Variants in PHC2 observed in about 807,000 individuals in gnomAD.
PHC2 encodes the protein polyhomeotic-like protein 2.
PHC2 carries 29 observed loss-of-function variants against 87.4 expected under a neutral mutation model. The observed-to-expected ratio is 0.33, with a 90% CI of 0.25 to 0.45. The LOEUF is 0.45. Ranked by LOEUF, PHC2 falls within the 20% of genes least tolerant of loss-of-function variation. The probability of loss-of-function intolerance (pLI) is 1.00; values close to 1 mark genes in which losing one functional copy is unlikely to be tolerated. For missense variants in PHC2, 857 were observed against 1,136.7 expected, an observed-to-expected ratio of 0.75 and a Z score of 3.54; for synonymous variants, 438 against 461.7, an observed-to-expected ratio of 0.95 and a Z score of 0.66.
intron 1 of PHC2, among the ~76,000 whole-genome samples, chr1:33,376,626 C>G (rs1648199849): frequency 6.6e-6 from 1 of 152,178 alleles, no homozygotes; most frequent in African/African-American, 2.4e-5. Context: ...GTGAAAGAAG[C>G]AGGACTAACA....
chr1:33,410,772 C>T (rs1649950713), intron 1 of PHC2, among the ~76,000 whole-genome samples: 1 of 152,146 alleles, frequency 6.6e-6, no homozygotes, highest in African/African-American at 2.4e-5. Flanking sequence ...ATCATTTTTA[C>T]TACATTTAAG....
At chr1:33,417,987 AAAG>A (rs1329979519) in intron 1 of PHC2, among the ~76,000 whole-genome samples, 2 of 152,184 alleles carry the variant, frequency 1.3e-5, no homozygotes, top group Non-Finnish European at 2.9e-5. Context: ...CTCATGGGTC[AAAG>A]AAGAAATCCT....
chr1:33,424,507 G>T (rs919575593), intron 1 of PHC2, among the ~76,000 whole-genome samples: 1 of 152,058 alleles, frequency 6.6e-6, no homozygotes, highest in Admixed American at 6.5e-5. Flanking sequence ...TCACTGGTGG[G>T]TATAAAAATT....
chr1:33,330,607 G>T (rs956137894), intron 12 of PHC2, among the ~76,000 whole-genome samples: 2 of 152,192 alleles, frequency 1.3e-5, no homozygotes, highest in African/African-American at 4.8e-5. Flanking sequence ...CAGCCTGAGG[G>T]GAATGAGGGC....
At chr1:33,335,159 T>C in intron 9 of PHC2, 3 of 983,622 alleles carry the variant, frequency 3.0e-6, no homozygotes, top group Non-Finnish European at 3.6e-6. Context: ...AAAGTGAGAT[T>C]ACATGCCTAT....
Position 33,354,393 on chromosome 1 carries a change from C to G in PHC2, c.1558+8G>C. On this transcript the variant is annotated splice_region_variant and intron_variant, in intron 9 of 14. Transcript: ENST00000683057. Reference sequence around the variant, plus strand: ...TCCCCTCCCCCAGGGCCCCACTGTGCTTCATACCGTGAGCTGGGGACGGCT... The same window carrying G: ...TCCCCTCCCCCAGGGCCCCACTGTGGTTCATACCGTGAGCTGGGGACGGCT... The G allele has an allele frequency of 6.2e-7, 1 of 1,610,238 alleles. No individual in the cohort carries two copies. The highest frequency in any genetic ancestry group is 8.5e-7 in the Non-Finnish European group (1 of 1,178,244).
intron 1 of PHC2, among the ~76,000 whole-genome samples, chr1:33,416,653 G>A (rs1650223569): frequency 6.6e-6 from 1 of 151,348 alleles, no homozygotes. Context: ...GTAGGCAATG[G>A]ATAGACATCT....
In PHC2 at chr1:33,368,743, A is replaced by G; in HGVS notation, c.577-121T>C. On this transcript the variant is annotated intron_variant, in intron 5 of 14. Transcript: ENST00000683057. This position sits in a 1 kb window ranked among gnomAD's most constrained non-coding sequence, Gnocchi z 6.6. ...ACCTGCTCGATGTGGACTCAGCCAC[A>G]GGACACAACTGTTTAGCCCAGGAGC... 1.4e-6 allele frequency: 1 copy of G among 730,794 alleles called. No homozygotes were observed. The highest frequency in any genetic ancestry group is 1.5e-5 in the South Asian group (1 of 65,400). The allele number at this position is 730,794 out of a possible 1,614,324, so 45.3% of individuals were successfully genotyped here.
intron 1 of PHC2, among the ~76,000 whole-genome samples, chr1:33,408,966 G>A (rs1649876803): frequency 6.6e-6 from 1 of 152,134 alleles, no homozygotes; most frequent in Non-Finnish European, 1.5e-5. Context: ...TGAGAACAAT[G>A]AGAACTACTT....
intron 9 of PHC2, among the ~76,000 whole-genome samples, chr1:33,342,369 T>G (rs1218059645): frequency 6.6e-6 from 1 of 152,150 alleles, no homozygotes; most frequent in Non-Finnish European, 1.5e-5. Flanking sequence ...TCATGCTGTC[T>G]CTCAGGACAC....
Position 33,347,040 on chromosome 1 carries a change from G to GA in PHC2, c.1558+7360dup, listed in dbSNP as rs1447977761. 3 of 985,272 alleles carry GA rather than the reference G, an allele frequency of 3.0e-6. No homozygotes were observed. In the African/African-American group the frequency reaches 5.2e-5, roughly 17 times the overall value. 61.0% of individuals were successfully genotyped at this position (985,272 alleles called of 1,614,324 possible). A position where few individuals can be genotyped will look rare whatever the true frequency, so the allele number is the denominator to read the frequency against. ...TCCTCTTAACATGCCCTCTCCCCCT[G>GA]AAAGATCAGAACCAAGGGATCCAAA... On this transcript the variant is annotated intron_variant, in intron 9 of 14. Coordinates refer to ENST00000683057, the MANE Select transcript of PHC2 (RefSeq NM_001385109.1).
intron 1 of PHC2, among the ~76,000 whole-genome samples, chr1:33,412,668 ACCCT>A (rs1338841953): frequency 1.5e-4 from 23 of 152,312 alleles, no homozygotes; most frequent in South Asian, 1.0e-3. Flanking sequence ...TCTAGCCCCT[ACCCT>A]AATAAGTGGC....
chr1:33,428,635 TGAG>T lies in PHC2; in HGVS notation c.-55+2338_-55+2340del, dbSNP rs544839635. On this transcript the variant is annotated intron_variant, in intron 1 of 14. Coordinates refer to ENST00000683057, the MANE Select transcript of PHC2 (RefSeq NM_001385109.1). ...AATAGGCTGGCTAGTTGATGGCTAA[TGAG>T]GTTAAATGGACTATTTATAGTTCTA... is the stretch of plus-strand genomic sequence containing the variant. Among the ~76,000 whole-genome samples, 299 of 152,334 alleles carry T rather than the reference TGAG, an allele frequency of 2.0e-3. 5 individuals carry two copies. The highest frequency in any genetic ancestry group is 1.8e-3 in the Admixed American group (27 of 15,300).
intron 1 of PHC2, among the ~76,000 whole-genome samples, chr1:33,425,515 A>G (rs561624078): frequency 6.6e-5 from 10 of 152,392 alleles, no homozygotes; most frequent in African/African-American, 2.4e-4. Context: ...CCTAGCAATT[A>G]TAACAATGTG....
chr1:33,370,156 C>T (rs1404631150), intron 5 of PHC2, among the ~76,000 whole-genome samples: 2 of 152,166 alleles, frequency 1.3e-5, no homozygotes, highest in African/African-American at 4.8e-5. Context: ...TAAGGGGACA[C>T]TTCTGTTTCA....
chr1:33,380,351 C>G (rs2148345521), intron 1 of PHC2, among the ~76,000 whole-genome samples: 1 of 152,306 alleles, frequency 6.6e-6, no homozygotes, highest in South Asian at 2.1e-4. Context: ...CCTGCCTATC[C>G]CCTAACCTCT....
chr1:33,403,005 T>C (rs1017940866), intron 1 of PHC2, among the ~76,000 whole-genome samples: 1 of 151,646 alleles, frequency 6.6e-6, no homozygotes, highest in Non-Finnish European at 1.5e-5. Context: ...TTATTTTTAG[T>C]AGACATGGGG....
chr1:33,342,355 A>C (rs541074315), intron 9 of PHC2, among the ~76,000 whole-genome samples: 1 of 152,218 alleles, frequency 6.6e-6, no homozygotes, highest in African/African-American at 2.4e-5. Flanking sequence ...CATACAGCTG[A>C]CTTTCATGCT....
At chr1:33,351,623 T>C (rs1275787399) in intron 9 of PHC2, among the ~76,000 whole-genome samples, 2 of 152,206 alleles carry the variant, frequency 1.3e-5, no homozygotes, top group Non-Finnish European at 2.9e-5. Flanking sequence ...GCTACCTCCC[T>C]TCCCACAGTG....
Sources: gnomAD v4.1 joint callset for allele counts (sites outside exome capture counted in the v4.1 genomes callset) on GRCh38, gnomAD v4.1.1 for gene constraint, Gnocchi (gnomAD v3.1) non-coding constraint, MANE v1.5 for transcripts, NCBI Gene and HGNC (gene_info 2026-07-23, HGNC 2026-07-21) for gene names.